Variants in PXDNL observed in about 807,000 individuals in gnomAD.
The protein encoded by PXDNL is probable oxidoreductase PXDNL.
A neutral mutation model predicts 150.8 loss-of-function variants in PXDNL; 145 were observed. The observed-to-expected ratio is 0.96, with a 90% CI of 0.84 to 1.10. The LOEUF is 1.10. PXDNL is among the 50% of genes least tolerant of loss of function. PXDNL has a pLI of 0.00. For synonymous variants in PXDNL, 757 were observed against 725.7 expected (o/e 1.04, Z -0.69); for missense variants, 2,087 against 1,873.9 (o/e 1.11, Z -2.10).
At chr8:51,715,590 C>T (rs958766591) in intron 1 of PXDNL, among the ~76,000 whole-genome samples, 1 of 152,154 alleles carries the variant, frequency 6.6e-6, no homozygotes, top group African/African-American at 2.4e-5. Context: ...CCTCACTGAC[C>T]TCCTGCGGCA....
rs755187121 is a variant in PXDNL at position 51,433,904 on chromosome 8, C to T, written c.1526-7146G>A. ...TTGTATAATTTTATTCAATGTCACA[C>T]CTTAATGATTACAATTATTATTATT... On this transcript the variant is annotated intron_variant, in intron 12 of 22. Transcript: ENST00000356297. Among the ~76,000 whole-genome samples the T allele has an allele frequency of 1.4e-4, 22 of 151,954 alleles. 1 individual carries two copies. Among genetic ancestry groups the T allele is most frequent in the African/African-American group, 4.6e-4 (19 of 41,384 alleles).
At chr8:51,560,327 A>T (rs1812693417) in intron 3 of PXDNL, among the ~76,000 whole-genome samples, 1 of 151,990 alleles carries the variant, frequency 6.6e-6, no homozygotes, top group African/African-American at 2.4e-5. Flanking sequence ...CCTAAAATCT[A>T]TGTGACATTT....
At position 51,413,547 on chromosome 8, in the gene PXDNL, C is replaced by T. The variant is rs184266164; in HGVS notation, c.1796-289G>A. ...TCCTTTTGAACAATGCTGATTCACA[C>T]AGGATCCAAGTATGTCAGCAATTTG... On this transcript the variant is annotated intron_variant, in intron 14 of 22. Transcript: ENST00000356297. Among the ~76,000 whole-genome samples, 211 of 152,176 alleles carry T rather than the reference C, an allele frequency of 1.4e-3. 1 individual carries two copies. The highest frequency in any genetic ancestry group is 4.6e-3 in the African/African-American group (191 of 41,520).
At chr8:51,720,875 G>C (rs1303062535) in intron 1 of PXDNL, among the ~76,000 whole-genome samples, 1 of 152,250 alleles carries the variant, frequency 6.6e-6, no homozygotes, top group African/African-American at 2.4e-5. Flanking sequence ...ATAAGAGCAA[G>C]TGTTCAGTAC....
chr8:51,621,005 T>G (rs1221944793), intron 2 of PXDNL, among the ~76,000 whole-genome samples: 1 of 152,220 alleles, frequency 6.6e-6, no homozygotes, highest in Non-Finnish European at 1.5e-5. Context: ...AAGAGCTTAG[T>G]CATGGATTGA....
intron 21 of PXDNL, among the ~76,000 whole-genome samples, chr8:51,329,696 G>T (rs1490894777): frequency 1.3e-5 from 2 of 152,144 alleles, no homozygotes; most frequent in Non-Finnish European, 2.9e-5. Flanking sequence ...AAATGCAAAA[G>T]AAGAATTAAA....
chr8:51,379,173 C>T (rs1003965165), intron 17 of PXDNL, among the ~76,000 whole-genome samples: 4 of 152,062 alleles, frequency 2.6e-5, no homozygotes, highest in Non-Finnish European at 4.4e-5. Context: ...GTGGCAGCTC[C>T]GATAACTTGT....
At chr8:51,721,730 T>C in intron 1 of PXDNL, 1 of 437,364 alleles carries the variant, frequency 2.3e-6, no homozygotes, top group Admixed American at 2.3e-5. Context: ...GGAACTTCAC[T>C]ATCATCATCA....
chr8:51,526,446 A>G (rs1811773007), intron 4 of PXDNL, among the ~76,000 whole-genome samples: 1 of 152,176 alleles, frequency 6.6e-6, no homozygotes, highest in Non-Finnish European at 1.5e-5. Context: ...GTTATGTGAC[A>G]GATGGTAGCT....
chr8:51,617,523 A>G (rs1814155172), intron 2 of PXDNL, among the ~76,000 whole-genome samples: 2 of 152,212 alleles, frequency 1.3e-5, no homozygotes, highest in Admixed American at 6.5e-5. Flanking sequence ...GAGTTTTCAC[A>G]TGCGCCACAT....
At chr8:51,789,270 T>C (rs1455132961) in intron 1 of PXDNL, among the ~76,000 whole-genome samples, 5 of 152,082 alleles carry the variant, frequency 3.3e-5, no homozygotes, top group African/African-American at 9.7e-5. Context: ...TTATCCTTGA[T>C]TGATATATAT....
intron 12 of PXDNL, chr8:51,436,050 C>T (rs919935148): frequency 3.8e-6 from 2 of 524,074 alleles, no homozygotes; most frequent in Non-Finnish European, 7.8e-6. Flanking sequence ...ATAGTCATAG[C>T]CTAGCTGAAC....
At chr8:51,508,503 A>G (rs932774261) in intron 4 of PXDNL, among the ~76,000 whole-genome samples, 4 of 152,062 alleles carry the variant, frequency 2.6e-5, no homozygotes, top group African/African-American at 9.7e-5. Flanking sequence ...GGCTTCCAGG[A>G]TGCCATCCTC....
chr8:51,784,823 C>T (rs1428817263), intron 1 of PXDNL, among the ~76,000 whole-genome samples: 1 of 152,094 alleles, frequency 6.6e-6, no homozygotes, highest in African/African-American at 2.4e-5. Flanking sequence ...AAAAATAATA[C>T]TTTAATACCC....
At chr8:51,504,183 G>T (rs1387189160) in intron 4 of PXDNL, among the ~76,000 whole-genome samples, 1 of 152,018 alleles carries the variant, frequency 6.6e-6, no homozygotes, top group Non-Finnish European at 1.5e-5. Context: ...TATACCCTCG[G>T]TTACTAAAAT....
chr8:51,515,898 T>G (rs1057143537), intron 4 of PXDNL, among the ~76,000 whole-genome samples: 1 of 152,242 alleles, frequency 6.6e-6, no homozygotes, highest in Non-Finnish European at 1.5e-5. Flanking sequence ...TTACAAGATT[T>G]TAAAGTACTC....
intron 1 of PXDNL, among the ~76,000 whole-genome samples, chr8:51,780,655 T>TA (rs2037405314): frequency 4.7e-5 from 1 of 21,334 alleles, no homozygotes; most frequent in Non-Finnish European, 9.2e-4. Context: ...TTTTCTTTTC[T>TA]TTTTTTTTTT....
intron 3 of PXDNL, among the ~76,000 whole-genome samples, chr8:51,569,295 C>T (rs1033916899): frequency 4.6e-5 from 7 of 151,800 alleles, no homozygotes; most frequent in East Asian, 3.9e-4. Flanking sequence ...ATGTAATATG[C>T]GAATTTCTAA....
chr8:51,429,324 A>T (rs1346597078), intron 12 of PXDNL, among the ~76,000 whole-genome samples: 1 of 152,236 alleles, frequency 6.6e-6, no homozygotes, highest in Non-Finnish European at 1.5e-5. Context: ...TCATGCCTAT[A>T]ATCCCAGCAC....
Sources: gnomAD v4.1 joint callset for allele counts (sites outside exome capture counted in the v4.1 genomes callset) on GRCh38, gnomAD v4.1.1 for gene constraint, MANE v1.5 for transcripts, NCBI Gene and HGNC (gene_info 2026-07-23, HGNC 2026-07-21) for gene names.